PTPRD: variants seen among roughly 807,000 people sequenced by gnomAD.
The protein encoded by PTPRD is receptor-type tyrosine-protein phosphatase delta.
A neutral mutation model predicts 214.5 loss-of-function variants in PTPRD; 34 were observed. The ratio of observed to expected loss-of-function variants is 0.16; its 90% confidence interval spans 0.12 to 0.21. The LOEUF (loss-of-function observed/expected upper bound fraction) is 0.21. Ranked by LOEUF, PTPRD falls within the 10% of genes least tolerant of loss-of-function variation. The pLI is 1.00. For missense variants in PTPRD, 2,545 were observed against 2,398.7 expected, an observed-to-expected ratio of 1.06 and a Z score of -1.27; for synonymous variants, 1,128 against 845.7, an observed-to-expected ratio of 1.33 and a Z score of -5.79.
intron 11 of PTPRD, among the ~76,000 whole-genome samples, chr9:8,970,616 C>A (rs991874294): frequency 4.0e-5 from 6 of 151,238 alleles, no homozygotes; most frequent in African/African-American, 1.5e-4. Context: ...AAGAAAAAAC[C>A]ACTAAAAACC....
At chr9:9,398,191 C>T (rs527990573) in intron 8 of PTPRD, among the ~76,000 whole-genome samples, 4 of 148,370 alleles carry the variant, frequency 2.7e-5, no homozygotes, top group African/African-American at 7.4e-5. Context: ...TCTAGCCATT[C>T]CTTATGGCCA....
At chr9:8,912,232 T>C (rs1028425583) in intron 11 of PTPRD, among the ~76,000 whole-genome samples, 9 of 152,202 alleles carry the variant, frequency 5.9e-5, no homozygotes, top group Non-Finnish European at 1.3e-4. Context: ...TTATTCTTTA[T>C]AGACCCAACG....
chr9:9,765,723 T>A (rs956350693), intron 6 of PTPRD, among the ~76,000 whole-genome samples: 4 of 152,184 alleles, frequency 2.6e-5, no homozygotes, highest in African/African-American at 9.6e-5. Context: ...TGCAGTGGCA[T>A]GATCTCGGCT....
In PTPRD at chr9:9,297,325, G is replaced by T. The variant is rs186255899; in HGVS notation, c.-203+100124C>A. 4.5e-3 allele frequency among the ~76,000 whole-genome samples: 682 copies of T among 151,626 alleles called. 5 individuals are homozygous for T. The highest frequency in any genetic ancestry group is 0.017 in the Middle Eastern group (5 of 292). On this transcript the variant is annotated intron_variant, in intron 9 of 45. Transcript: ENST00000381196. Reference sequence around the variant, plus strand: ...CAGAAAATACAGAGACAGAGATATGGTTTTGGGTCTTGCAAACATAATGAA... The same window carrying T: ...CAGAAAATACAGAGACAGAGATATGTTTTTGGGTCTTGCAAACATAATGAA...
intron 2 of PTPRD, among the ~76,000 whole-genome samples, chr9:10,415,275 C>T (rs991089567): frequency 6.6e-6 from 1 of 151,690 alleles, no homozygotes; most frequent in Non-Finnish European, 1.5e-5. Flanking sequence ...TATATATGCA[C>T]TTTATTCCTC....
chr9:8,341,740 G>C lies in PTPRD; in HGVS notation c.4900C>G (p.Gln1634Glu), dbSNP rs2132490881. The C allele has an allele frequency of 6.2e-7, 1 of 1,613,418 alleles. No individual in the cohort carries two copies. Among genetic ancestry groups the C allele is most frequent in the Non-Finnish European group, 8.5e-7 (1 of 1,179,656 alleles). The change falls in exon 40 of 46, where the codon CAA (glutamine) becomes GAA (glutamate). Residue 1634 changes from glutamine to glutamate, a missense_variant. Physicochemically the swap from Gln to Glu is conservative, Grantham distance 29. Coordinates refer to ENST00000381196, the MANE Select transcript of PTPRD (RefSeq NM_002839.4). ...NLYAYIQKLT[Q>E]IETGENVTGM... ...GTGACATTCTCTCCCGTTTCTATTTGTGTCAGCTTCTGAATGTAGGCATAC... is the reference window on the plus strand; with the variant it reads ...GTGACATTCTCTCCCGTTTCTATTTCTGTCAGCTTCTGAATGTAGGCATAC...
chr9:9,426,856 G>C (rs138369634), intron 8 of PTPRD, among the ~76,000 whole-genome samples: 4,876 of 152,214 alleles, frequency 0.032, 183 homozygotes, highest in African/African-American at 0.088. Flanking sequence ...CTGACTGTTA[G>C]AAGGAAAACT....
At chr9:8,412,603 G>C (rs543390942) in intron 35 of PTPRD, among the ~76,000 whole-genome samples, 2 of 152,144 alleles carry the variant, frequency 1.3e-5, no homozygotes, top group Non-Finnish European at 2.9e-5. Flanking sequence ...AAGAATGCTA[G>C]ATGTTTTGCC....
chr9:8,873,462 T>G (rs1230855855), intron 11 of PTPRD, among the ~76,000 whole-genome samples: 1 of 152,216 alleles, frequency 6.6e-6, no homozygotes, highest in Non-Finnish European at 1.5e-5. Flanking sequence ...TACCCCTAGT[T>G]TCTAGGATGA....
At chr9:10,609,058 T>A (rs988293577) in intron 2 of PTPRD, among the ~76,000 whole-genome samples, 6 of 152,120 alleles carry the variant, frequency 3.9e-5, no homozygotes, top group Admixed American at 3.9e-4. Context: ...TTAGCATTCT[T>A]GAATATTTGT....
At chr9:8,531,921 G>T (rs187489323) in intron 14 of PTPRD, among the ~76,000 whole-genome samples, 4 of 152,184 alleles carry the variant, frequency 2.6e-5, no homozygotes, top group Admixed American at 2.6e-4. Flanking sequence ...TTCCTGAAAA[G>T]CAGTCTAATA....
chr9:8,649,315 C>T (rs776208545), intron 12 of PTPRD, among the ~76,000 whole-genome samples: 5 of 152,204 alleles, frequency 3.3e-5, no homozygotes, highest in South Asian at 2.1e-4. Flanking sequence ...ATTTTTGTAA[C>T]GCTTGCCTTC....
At chr9:10,025,287 C>A (rs10809016) in intron 4 of PTPRD, among the ~76,000 whole-genome samples, 64,288 of 151,602 alleles carry the variant, frequency 0.42, 16,059 homozygotes, top group Middle Eastern at 0.61. Flanking sequence ...TCCTCTCCAG[C>A]ATCTGTTGTT....
intron 10 of PTPRD, among the ~76,000 whole-genome samples, chr9:9,145,599 A>G (rs946946916): frequency 2.6e-5 from 4 of 152,162 alleles, no homozygotes; most frequent in African/African-American, 4.8e-5. Flanking sequence ...TGCTAGGCCA[A>G]TAATAACAGG....
At chr9:8,810,348 T>G (rs2154522416) in intron 11 of PTPRD, among the ~76,000 whole-genome samples, 1 of 152,308 alleles carries the variant, frequency 6.6e-6, no homozygotes, top group African/African-American at 2.4e-5. Context: ...CCCTCCTGCT[T>G]GGTTACCTTC....
chr9:9,818,264 C>T (rs2049424537), intron 5 of PTPRD, among the ~76,000 whole-genome samples: 1 of 152,066 alleles, frequency 6.6e-6, no homozygotes. Context: ...GTTCTATATC[C>T]CCTAGACAAT....
intron 10 of PTPRD, among the ~76,000 whole-genome samples, chr9:9,149,790 G>C (rs1012286835): frequency 1.4e-4 from 21 of 152,146 alleles, no homozygotes; most frequent in African/African-American, 5.1e-4. Context: ...GGGGTGACAG[G>C]CATTTGGATG....
At chr9:10,018,534 A>ATTTTT (rs1567125411) in intron 4 of PTPRD, among the ~76,000 whole-genome samples, 74 of 63,672 alleles carry the variant, frequency 1.2e-3, no homozygotes, top group Non-Finnish European at 1.9e-3. Flanking sequence ...TAAGAATTAC[A>ATTTTT]TTTCTTTTTT....
chr9:8,412,684 T>A (rs571389711), intron 35 of PTPRD, among the ~76,000 whole-genome samples: 52 of 152,350 alleles, frequency 3.4e-4, no homozygotes, highest in African/African-American at 1.3e-3. Flanking sequence ...CTCCAAGGAA[T>A]ATCTGCATTC....
Sources: allele counts gnomAD v4.1 joint callset (sites outside exome capture counted in the v4.1 genomes callset), GRCh38; gene constraint gnomAD v4.1.1; transcripts MANE v1.5; gene names NCBI Gene and HGNC (gene_info 2026-07-23, HGNC 2026-07-21).